PAXIP1: variants seen among roughly 807,000 people sequenced by gnomAD.
The protein encoded by PAXIP1 is PAX interacting protein 1.
Under a neutral mutation model 140.6 loss-of-function variants are expected in PAXIP1, and 19 were observed. The ratio of observed to expected loss-of-function variants is 0.14; its 90% CI spans 0.09 to 0.20. The LOEUF (loss-of-function observed/expected upper bound fraction) is 0.20. PAXIP1 is among the 10% of genes least tolerant of loss of function. PAXIP1 has a pLI of 1.00. For missense variants in PAXIP1, 920 were observed against 1,208.6 expected, an observed-to-expected ratio of 0.76 and a Z score of 3.54; for synonymous variants, 442 against 444.6, an observed-to-expected ratio of 0.99 and a Z score of 0.07.
Position 154,954,775 on chromosome 7 carries a change from T to C in PAXIP1, c.2653-352A>G, listed in dbSNP as rs962028444. 2.6e-5 allele frequency among the ~76,000 whole-genome samples: 4 copies of C among 152,182 alleles called. No individual in the cohort carries two copies. Among genetic ancestry groups the C allele is most frequent in the Non-Finnish European group, 5.9e-5 (4 of 68,028 alleles). On this transcript the variant is annotated intron_variant, in intron 15 of 20. Transcript: ENST00000404141. This position sits in a 1 kb window ranked among gnomAD's most constrained non-coding sequence, Gnocchi z 5.1. ...CAGCCAAGACTTCCTAGGCCAAAACTGGTGTTAATGAAGAACATTTACCTG... is the reference window on the plus strand; with the variant it reads ...CAGCCAAGACTTCCTAGGCCAAAACCGGTGTTAATGAAGAACATTTACCTG...
At chr7:154,957,554 A>T (rs1808572965) in intron 13 of PAXIP1, among the ~76,000 whole-genome samples, 1 of 152,170 alleles carries the variant, frequency 6.6e-6, no homozygotes, top group Admixed American at 6.5e-5. Context: ...AAATCCTTTC[A>T]GTACTTTAAA....
rs1047663978 is a variant in PAXIP1 at position 154,954,533 on chromosome 7, T to C, written c.2653-110A>G. On this transcript the variant is annotated intron_variant, in intron 15 of 20. Transcript: ENST00000404141. This position sits in a 1 kb window ranked among gnomAD's most constrained non-coding sequence, Gnocchi z 5.1. ...TACCTAAAGACAAGGTTTATGACTG[T>C]AATTCTCAGCCACAGAAAACAGTGT... 32 of 661,742 alleles carry C rather than the reference T, an allele frequency of 4.8e-5. No individual in the cohort carries two copies. The highest frequency in any genetic ancestry group is 6.0e-5 in the Non-Finnish European group (27 of 452,594). The allele number at this position is 661,742 out of a possible 1,614,324, so 41.0% of individuals were successfully genotyped here.
intron 10 of PAXIP1, 39 bp downstream of exon 10, chr7:154,962,282 G>T (rs928803808): frequency 3.1e-6 from 5 of 1,606,130 alleles, no homozygotes; most frequent in Non-Finnish European, 4.3e-6. Context: ...CAAAGTCGAA[G>T]GATGATTTAA....
In PAXIP1 at chr7:154,967,594, A is replaced by G. The variant is rs576375912; in HGVS notation, c.1893+222T>C. 23 of 513,022 alleles carry G rather than the reference A, an allele frequency of 4.5e-5. No individual in the cohort carries two copies. In the Admixed American group the frequency reaches 7.5e-4, roughly 17 times the overall value. The allele number at this position is 513,022 out of a possible 1,614,324, so 31.8% of individuals were successfully genotyped here. Reference sequence around the variant, plus strand: ...GTGCCCCCTGGAATTTCCAAGCTGAAAAAAATAAAAAGTCCACCATCTTCA... The same window carrying G: ...GTGCCCCCTGGAATTTCCAAGCTGAGAAAAATAAAAAGTCCACCATCTTCA... On this transcript the variant is annotated intron_variant, in intron 8 of 20. Coordinates refer to ENST00000404141, the MANE Select transcript of PAXIP1 (RefSeq NM_007349.4).
intron 12 of PAXIP1, among the ~76,000 whole-genome samples, chr7:154,960,464 G>A (rs1808708976): frequency 6.6e-6 from 1 of 152,136 alleles, no homozygotes. Flanking sequence ...TGGCCTGAGA[G>A]GCAAGACTAT....
intron 4 of PAXIP1, among the ~76,000 whole-genome samples, chr7:154,985,182 A>C (rs1383436165): frequency 6.6e-6 from 1 of 152,228 alleles, no homozygotes; most frequent in Non-Finnish European, 1.5e-5. Flanking sequence ...TGGTGATAGG[A>C]TTATGGGGAC....
intron 13 of PAXIP1, 69 bp from the exon 14 acceptor site, chr7:154,957,363 TTA>T: frequency 1.3e-6 from 1 of 794,214 alleles, no homozygotes; most frequent in African/African-American, 1.7e-5. Context: ...TCCAGAAGAT[TTA>T]TGTGTCAAAT....
At chr7:154,984,995 C>G (rs909856270) in intron 4 of PAXIP1, among the ~76,000 whole-genome samples, 2 of 152,100 alleles carry the variant, frequency 1.3e-5, no homozygotes, top group African/African-American at 4.8e-5. Flanking sequence ...GGCATTAATA[C>G]GACGCCTCCA....
chr7:154,943,792 C>A lies in PAXIP1; in HGVS notation c.*357G>T. On this transcript the variant is annotated 3_prime_UTR_variant, in exon 21 of 21. Transcript: ENST00000404141. ...AATCAAAGTACAAAACATTTCAAAT[C>A]TTTAACATCCATAATTTAGAGATAG... 1 of 220,310 alleles carries A rather than the reference C, an allele frequency of 4.5e-6. No homozygotes were observed. The highest frequency in any genetic ancestry group is 9.2e-6 in the Non-Finnish European group (1 of 109,028). The allele number at this position is 220,310 out of a possible 1,614,324, so 13.6% of individuals were successfully genotyped here. A position where few individuals can be genotyped will look rare whatever the true frequency, so the allele number is the denominator to read the frequency against.
chr7:154,971,979 A>G (rs1213187533), intron 6 of PAXIP1, among the ~76,000 whole-genome samples: 4 of 152,330 alleles, frequency 2.6e-5, no homozygotes, highest in Non-Finnish European at 2.9e-5. Flanking sequence ...CCATTCACTC[A>G]CTAGAAATGG....
Position 154,944,106 on chromosome 7 carries a change from C to A in PAXIP1, c.*43G>T, listed in dbSNP as rs1241369922. On this transcript the variant is annotated 3_prime_UTR_variant, in exon 21 of 21. Transcript: ENST00000404141. ...AGCTCCTCGCCAGCCAGACAGCCAGCCCCGCACCGCAGGAGTCGACATGCA... is the reference window on the plus strand; with the variant it reads ...AGCTCCTCGCCAGCCAGACAGCCAGACCCGCACCGCAGGAGTCGACATGCA... 1.9e-6 allele frequency: 3 copies of A among 1,607,328 alleles called. No homozygotes were observed. The highest frequency in any genetic ancestry group is 2.6e-6 in the Non-Finnish European group (3 of 1,175,206).
At chr7:154,970,756 G>T (rs970664629) in intron 6 of PAXIP1, among the ~76,000 whole-genome samples, 35 of 152,336 alleles carry the variant, frequency 2.3e-4, no homozygotes, top group African/African-American at 7.9e-4. Flanking sequence ...CAAACTGCTG[G>T]AAACAGCGGC....
At chr7:154,995,631 C>G (rs1363034107) in intron 2 of PAXIP1, among the ~76,000 whole-genome samples, 2 of 152,208 alleles carry the variant, frequency 1.3e-5, no homozygotes, top group African/African-American at 2.4e-5. Context: ...GGGCGGATCA[C>G]TTGAGGTGAC....
At chr7:154,959,394 A>G (rs1350644515) in intron 13 of PAXIP1, among the ~76,000 whole-genome samples, 1 of 152,234 alleles carries the variant, frequency 6.6e-6, no homozygotes, top group Admixed American at 6.5e-5. Context: ...CAAAGTCTAA[A>G]CTGAAAAATT....
chr7:154,992,503 G>A (rs1286278288), intron 3 of PAXIP1, among the ~76,000 whole-genome samples: 1 of 151,892 alleles, frequency 6.6e-6, no homozygotes, highest in Admixed American at 6.6e-5. Flanking sequence ...GCTGAGGCAG[G>A]AGAATCGCTT....
chr7:154,975,603 GA>G, intron 6 of PAXIP1, 92 bp downstream of exon 6: 2 of 904,144 alleles, frequency 2.2e-6, no homozygotes, highest in Non-Finnish European at 1.7e-6. Flanking sequence ...TATTTGGTCT[GA>G]AAAAGCAAAA....
chr7:154,952,960 T>G (rs985130510), intron 16 of PAXIP1, among the ~76,000 whole-genome samples: 14 of 152,364 alleles, frequency 9.2e-5, no homozygotes, highest in African/African-American at 3.4e-4. Flanking sequence ...TTTTTCTGGG[T>G]CTTCTCATCT....
chr7:154,976,667 C>A (rs948434194), intron 5 of PAXIP1, among the ~76,000 whole-genome samples: 1 of 152,114 alleles, frequency 6.6e-6, no homozygotes, highest in Non-Finnish European at 1.5e-5. Flanking sequence ...TAATTGCTAC[C>A]TAAGTTTTTA....
rs1171504180 is a variant in PAXIP1, at chr7:154,946,844, T to C, written c.2923-31A>G. 1 of 1,460,168 alleles carries C rather than the reference T, an allele frequency of 6.8e-7. No homozygotes were observed. The highest frequency in any genetic ancestry group is 9.3e-7 in the Non-Finnish European group (1 of 1,070,816). The allele number at this position is 1,460,168 out of a possible 1,614,324, so 90.5% of individuals were successfully genotyped here. ...ATTAAATGAAAATATATGTATTATG[T>C]TCTTAAAATGCTTTAATTTTTAGAG... On this transcript the variant is annotated intron_variant, in intron 17 of 20. Coordinates refer to ENST00000404141, the MANE Select transcript of PAXIP1 (RefSeq NM_007349.4). This position sits in a 1 kb window ranked among gnomAD's most constrained non-coding sequence, Gnocchi z 4.9.
Sources: allele counts gnomAD v4.1 joint callset (sites outside exome capture counted in the v4.1 genomes callset), GRCh38; gene constraint gnomAD v4.1.1; non-coding constraint Gnocchi (gnomAD v3.1); transcripts MANE v1.5; gene names NCBI Gene and HGNC (gene_info 2026-07-23, HGNC 2026-07-21).